FASTKD3: variants seen among roughly 807,000 people sequenced by gnomAD.
FASTKD3 encodes the protein FAST kinase domain-containing protein 3, mitochondrial.
A neutral mutation model predicts 49.7 loss-of-function variants in FASTKD3; 47 were observed. The observed-to-expected ratio is 0.95, with a 90% CI of 0.75 to 1.21. The LOEUF (loss-of-function observed/expected upper bound fraction) is 1.21. Among genes scored for constraint, FASTKD3 ranks in the 50% most tolerant of loss-of-function variants. The pLI, the probability that FASTKD3 is intolerant of heterozygous loss-of-function variation, is 0.00. For missense variants in FASTKD3, 748 were observed against 765.7 expected (o/e 0.98, Z 0.27); for synonymous variants, 284 against 288.6 (o/e 0.98, Z 0.16).
Position 7,867,531 on chromosome 5 carries a change from G to A in FASTKD3, c.553C>T (p.Leu185=), listed in dbSNP as rs970836836. ...NTSLVTALQA[L]ILLHVDPQSS... ...TGAGGATCCACATGCAACAGAATCA[G>A]AGCTTGCAAAGCAGTCACTAAACTA... Residue 185 remains leucine, a synonymous_variant, in exon 2 of 7, where the codon CTG becomes TTG. Transcript: ENST00000264669. 1 of 1,614,254 alleles carries A rather than the reference G, an allele frequency of 6.2e-7. No homozygotes were observed. The highest frequency in any genetic ancestry group is 8.5e-7 in the Non-Finnish European group (1 of 1,180,054).
At position 7,861,596 on chromosome 5, in the gene FASTKD3, C is replaced by G. The variant is rs1746544459; in HGVS notation, c.1756G>C (p.Asp586His). The G allele has an allele frequency of 6.3e-7, 1 of 1,594,118 alleles. No individual in the cohort carries two copies. The highest frequency in any genetic ancestry group is 8.5e-7 in the Non-Finnish European group (1 of 1,170,158). Residue 586 changes from aspartate (D) to histidine (H), a missense_variant, in exon 5 of 7, where the codon GAT (aspartate) becomes CAT (histidine). By Grantham distance (81) the Asp-to-His change is moderately conservative. Around this residue, in one of 3 missense-constraint regions of FASTKD3, gnomAD observed 178 missense variants for 182.2 expected, o/e 0.98. Transcript: ENST00000264669. ...ATTTTCCTGTACCTTTTATGGATAT[C>G]TTCATTAGCTGTGGATGGCAATACA... ...GFVLPSTANE[D>H]IHKRIALCID... is the part of the protein sequence containing the mutation.
In FASTKD3 at chr5:7,861,206, C is replaced by T; in HGVS notation, c.1827G>A (p.Leu609=). Residue 609 remains leucine (L), a synonymous_variant, in exon 6 of 7, where the codon CTG becomes CTA. Transcript: ENST00000264669. ...GTCTTTGTTTAATAGCTTCTTTCCC[C>T]AGTAAGTGTTTGCTATTGGAGCAAA... ...KRFCSNSKHL[L]GKEAIKQRHL... The T allele has an allele frequency of 6.2e-7, 1 of 1,612,698 alleles. No individual in the cohort carries two copies. Among genetic ancestry groups the T allele is most frequent in the African/African-American group, 1.3e-5 (1 of 75,012 alleles).
chr5:7,864,255 C>T (rs545415515), intron 3 of FASTKD3, among the ~76,000 whole-genome samples: 1 of 151,988 alleles, frequency 6.6e-6, no homozygotes, highest in African/African-American at 2.4e-5. Context: ...ATACATATTT[C>T]AAAACAACAT....
intron 4 of FASTKD3, among the ~76,000 whole-genome samples, chr5:7,862,259 G>GTTT (rs1444092623): frequency 6.6e-6 from 1 of 152,128 alleles, no homozygotes; most frequent in Non-Finnish European, 1.5e-5. Flanking sequence ...CGGAGGACTT[G>GTTT]GAGTCTCTTG....
At chr5:7,861,911 G>C (rs1746575267) in intron 4 of FASTKD3, 1 of 437,994 alleles carries the variant, frequency 2.3e-6, no homozygotes, top group Non-Finnish European at 3.6e-6. Flanking sequence ...TCTGGGGTAT[G>C]ACAAGAACCA....
chr5:7,860,417 T>C (rs1746454301), intron 6 of FASTKD3, among the ~76,000 whole-genome samples: 1 of 152,236 alleles, frequency 6.6e-6, no homozygotes, highest in Admixed American at 6.5e-5. Context: ...ATCTTGTTCA[T>C]TTTTATTTAT....
In FASTKD3 at chr5:7,868,967, G is replaced by T. The variant is rs750255332; in HGVS notation, c.-114+12C>A. On this transcript the variant is annotated intron_variant, in intron 1 of 6. Coordinates refer to ENST00000264669, the MANE Select transcript of FASTKD3 (RefSeq NM_024091.4). ...CGGACCAACTGCGCGGAGACCCCGC[G>T]TTGACACCTACCGCGCTCTGCCGGG... 3 of 788,022 alleles carry T rather than the reference G, an allele frequency of 3.8e-6. No individual in the cohort carries two copies. The allele number at this position is 788,022 out of a possible 1,614,324, so 48.8% of individuals were successfully genotyped here.
At position 7,865,985 on chromosome 5, in the gene FASTKD3, T is replaced by A; in HGVS notation, c.1439-2A>T. On this transcript the variant is annotated splice_acceptor_variant, in intron 2 of 6. Transcript: ENST00000264669. LOFTEE classifies it high-confidence loss of function. ...ATGTGTCCAAATGAGATTCTTTACC[T>A]GAAACAGAAAGCATCCCAGTCATAG... 1.2e-6 allele frequency: 2 copies of A among 1,612,810 alleles called. No individual in the cohort carries two copies. Among genetic ancestry groups the A allele is most frequent in the Non-Finnish European group, 1.7e-6 (2 of 1,179,032 alleles).
At chr5:7,865,551 C>A (rs1195630935) in intron 3 of FASTKD3, among the ~76,000 whole-genome samples, 1 of 152,148 alleles carries the variant, frequency 6.6e-6, no homozygotes, top group Non-Finnish European at 1.5e-5. Context: ...TTTGTTCAGT[C>A]CAGACATTCA....
chr5:7,860,619 C>T (rs936733081), intron 6 of FASTKD3, among the ~76,000 whole-genome samples: 9 of 152,148 alleles, frequency 5.9e-5, no homozygotes, highest in South Asian at 2.1e-4. Flanking sequence ...TTAAACTAGA[C>T]GTAAGATCGG....
At position 7,862,822 on chromosome 5, in the gene FASTKD3, C is replaced by A; in HGVS notation, c.1699+1G>T. On this transcript the variant is annotated splice_donor_variant, in intron 4 of 6. Transcript: ENST00000264669. LOFTEE classifies it high-confidence loss of function. Reference sequence around the variant, plus strand: ...ACAACAAAACTCCTTATACTACTTACCTATTGTATAACAATAGGGTGTCAA... The same window carrying A: ...ACAACAAAACTCCTTATACTACTTAACTATTGTATAACAATAGGGTGTCAA... 1 of 1,610,006 alleles carries A rather than the reference C, an allele frequency of 6.2e-7. No homozygotes were observed. Among genetic ancestry groups the A allele is most frequent in the Non-Finnish European group, 8.5e-7 (1 of 1,177,836 alleles).
intron 4 of FASTKD3, 64 bp from the exon 5 acceptor site, chr5:7,861,716 T>C (rs930560376): frequency 4.5e-6 from 7 of 1,560,668 alleles, no homozygotes; most frequent in Non-Finnish European, 6.1e-6. Context: ...CTTCCTGTAT[T>C]CATTCCTTTG....
chr5:7,864,554 G>A (rs1002681448), intron 3 of FASTKD3, among the ~76,000 whole-genome samples: 17 of 152,012 alleles, frequency 1.1e-4, no homozygotes, highest in Non-Finnish European at 1.8e-4. Flanking sequence ...AGTCCTTAAA[G>A]ACAAACCATC....
intron 5 of FASTKD3, 53 bp downstream of exon 5, chr5:7,861,530 C>G (rs756975054): frequency 5.3e-5 from 68 of 1,288,280 alleles, no homozygotes; most frequent in Non-Finnish European, 6.8e-5. Flanking sequence ...GATACCGCTG[C>G]TTATTAGCCT....
intron 6 of FASTKD3, among the ~76,000 whole-genome samples, chr5:7,859,788 T>C (rs1746399592): frequency 6.6e-6 from 1 of 152,218 alleles, no homozygotes; most frequent in African/African-American, 2.4e-5. Context: ...TTAAACATGA[T>C]CTCTTGTTCT....
At chr5:7,861,307 T>G in intron 5 of FASTKD3, 44 bp from the exon 6 acceptor site, 1 of 1,124,704 alleles carries the variant, frequency 8.9e-7, no homozygotes, top group Non-Finnish European at 1.3e-6. Flanking sequence ...TTTTAAATAA[T>G]CCAAAATATT....
At chr5:7,859,996 G>T (rs964956998) in intron 6 of FASTKD3, among the ~76,000 whole-genome samples, 1 of 152,138 alleles carries the variant, frequency 6.6e-6, no homozygotes, top group African/African-American at 2.4e-5. Context: ...GAGGGAGAGA[G>T]CAGGAGGCGC....
At position 7,867,553 on chromosome 5, in the gene FASTKD3, A is replaced by G. The variant is rs764617367; in HGVS notation, c.531T>C (p.Ser177=). Residue 177 remains serine, a synonymous_variant, in exon 2 of 7, where the codon AGT becomes AGC. Transcript: ENST00000264669. ...TCAGAGCTTGCAAAGCAGTCACTAA[A>G]CTAGTGTTTGACAGCTGTGAGGGCT... ...EKEPSQLSNT[S]LVTALQALIL... is the part of the protein sequence containing the mutation. The G allele has an allele frequency of 6.2e-7, 1 of 1,614,254 alleles. No individual in the cohort carries two copies. The highest frequency in any genetic ancestry group is 1.1e-5 in the South Asian group (1 of 91,084).
chr5:7,864,473 AAAGT>A (rs1250734630), intron 3 of FASTKD3, among the ~76,000 whole-genome samples: 1 of 152,198 alleles, frequency 6.6e-6, no homozygotes, highest in Non-Finnish European at 1.5e-5. Flanking sequence ...GTAATATTAA[AAAGT>A]AATAAAAGAG....
Sources: allele counts gnomAD v4.1 joint callset (sites outside exome capture counted in the v4.1 genomes callset), GRCh38; gene constraint gnomAD v4.1.1; regional missense constraint gnomAD v4.1.1; transcripts MANE v1.5; gene names NCBI Gene and HGNC (gene_info 2026-07-23, HGNC 2026-07-21).